Variants in MCTP1 observed in about 807,000 individuals in gnomAD.
MCTP1 encodes the protein multiple C2 and transmembrane domain containing 1, also known as multiple C2 and transmembrane domain-containing protein 1.
A neutral mutation model predicts 120.6 loss-of-function variants in MCTP1; 69 were observed. That is an observed-to-expected ratio of 0.57 (90% confidence interval 0.47 to 0.70). The LOEUF is 0.70. MCTP1 is among the 30% of genes least tolerant of loss of function. The probability of loss-of-function intolerance (pLI) is 0.00; values close to 1 mark genes in which losing one functional copy is unlikely to be tolerated. For missense variants in MCTP1, 1,203 were observed against 1,248.8 expected, an observed-to-expected ratio of 0.96 and a Z score of 0.55; for synonymous variants, 529 against 493.1, an observed-to-expected ratio of 1.07 and a Z score of -0.96.
chr5:95,169,211 T>C (rs1746871116), intron 1 of MCTP1, among the ~76,000 whole-genome samples: 1 of 152,240 alleles, frequency 6.6e-6, no homozygotes, highest in Non-Finnish European at 1.5e-5. Context: ...TTGATTTGCA[T>C]ATGTTGAACC....
At chr5:95,282,184 T>TA (rs1760375989) in intron 1 of MCTP1, among the ~76,000 whole-genome samples, 1 of 152,240 alleles carries the variant, frequency 6.6e-6, no homozygotes, top group African/African-American at 2.4e-5. Context: ...ATATCTTTTG[T>TA]ATACAAAATT....
At chr5:95,210,378 T>C (rs181143460) in intron 1 of MCTP1, among the ~76,000 whole-genome samples, 1,556 of 150,814 alleles carry the variant, frequency 0.01, 13 homozygotes, top group Middle Eastern at 0.031. Context: ...TGCATATATA[T>C]TTAGGATAGT....
chr5:94,970,378 TATTC>T (rs1205313345), intron 2 of MCTP1, among the ~76,000 whole-genome samples: 12 of 152,080 alleles, frequency 7.9e-5, no homozygotes, highest in Non-Finnish European at 1.5e-4. Flanking sequence ...GGGATATACT[TATTC>T]ATATAACTTA....
At chr5:94,737,067 C>T (rs1369361423) in intron 19 of MCTP1, among the ~76,000 whole-genome samples, 1 of 152,188 alleles carries the variant, frequency 6.6e-6, no homozygotes, top group Non-Finnish European at 1.5e-5. Context: ...TGACTCACCA[C>T]AGCCCTGACC....
At chr5:95,074,388 G>T (rs1408666245) in intron 1 of MCTP1, among the ~76,000 whole-genome samples, 1 of 152,188 alleles carries the variant, frequency 6.6e-6, no homozygotes, top group Admixed American at 6.5e-5. Context: ...GAGATGGCTG[G>T]CAACTCCTAG....
At chr5:95,191,696 A>C (rs2152533686) in intron 1 of MCTP1, among the ~76,000 whole-genome samples, 1 of 152,136 alleles carries the variant, frequency 6.6e-6, no homozygotes, top group Non-Finnish European at 1.5e-5. Flanking sequence ...CAAGTGGTCA[A>C]TAGTATGTTA....
chr5:95,201,880 T>C (rs1473303181), intron 1 of MCTP1, among the ~76,000 whole-genome samples: 1 of 152,224 alleles, frequency 6.6e-6, no homozygotes, highest in Non-Finnish European at 1.5e-5. Flanking sequence ...TTCTTATTTA[T>C]TTTTCTTTAA....
In MCTP1 at chr5:95,051,715, A is replaced by G. The variant is rs562226721; in HGVS notation, c.721-34231T>C. On this transcript the variant is annotated intron_variant, in intron 1 of 22. Transcript: ENST00000515393. Reference sequence around the variant, plus strand: ...GTACAAATTGAAAGAATGAGAAATGATGAGATCATGTCCTTTGCAGCAACA... The same window carrying G: ...GTACAAATTGAAAGAATGAGAAATGGTGAGATCATGTCCTTTGCAGCAACA... Among the ~76,000 whole-genome samples the G allele has an allele frequency of 2.0e-5, 3 of 152,346 alleles. No individual in the cohort carries two copies. In the South Asian group the frequency reaches 6.2e-4, roughly 32 times the overall value.
intron 1 of MCTP1, among the ~76,000 whole-genome samples, chr5:95,162,903 G>A (rs1439745869): frequency 2.6e-5 from 4 of 152,060 alleles, no homozygotes; most frequent in Non-Finnish European, 5.9e-5. Flanking sequence ...CAGGAACTAG[G>A]ATTAAATACT....
intron 11 of MCTP1, among the ~76,000 whole-genome samples, chr5:94,893,033 A>G (rs2153398635): frequency 6.6e-6 from 1 of 152,358 alleles, no homozygotes; most frequent in East Asian, 1.9e-4. Flanking sequence ...GCTGAAAAAA[A>G]GTATATTTAA....
At position 95,284,566 on chromosome 5, in the gene MCTP1, G is replaced by C; in HGVS notation, c.10C>G (p.Arg4Gly). The C allele has an allele frequency of 2.1e-6, 3 of 1,437,474 alleles. No homozygotes were observed. Among genetic ancestry groups the C allele is most frequent in the Non-Finnish European group, 1.8e-6 (2 of 1,108,694 alleles). 89.0% of individuals were successfully genotyped at this position (1,437,474 alleles called of 1,614,324 possible). A position where few individuals can be genotyped will look rare whatever the true frequency, so the allele number is the denominator to read the frequency against. ...TCTGGCTCGCCCGCCGCGGCAGCCC[G>C]GGGCTCCATCCTCCACCCCCTGCTC... MEP[R>G]AAAAGEPEPP... Residue 4 changes from arginine to glycine, a missense_variant, in exon 1 of 23, where the codon CGG (arginine) becomes GGG (glycine). Arg to Gly is a moderately radical substitution (Grantham distance 125). Transcript: ENST00000515393. The surrounding 1 kb of genome is among the most constrained non-coding windows in gnomAD (Gnocchi z 5.2).
At chr5:94,791,894 G>T (rs255347) in intron 18 of MCTP1, 126,579 of 152,272 alleles carry the variant, frequency 0.83, 52,834 homozygotes, top group South Asian at 0.88. Context: ...CCTTTCTCAG[G>T]TGGGTCATAG....
intron 17 of MCTP1, among the ~76,000 whole-genome samples, chr5:94,858,001 G>A (rs1795025726): frequency 6.6e-6 from 1 of 151,638 alleles, no homozygotes; most frequent in African/African-American, 2.4e-5. Flanking sequence ...TGGGTCACCA[G>A]TTTTTCTAAG....
rs570982482 is a variant in MCTP1 at position 95,015,837 on chromosome 5, A to G, written c.838+1530T>C. 2.0e-5 allele frequency among the ~76,000 whole-genome samples: 3 copies of G among 152,242 alleles called. No individual in the cohort carries two copies. The South Asian group carries it at 6.2e-4, about 32-fold the overall frequency. On this transcript the variant is annotated intron_variant, in intron 2 of 22. Transcript: ENST00000515393. The stretch of plus-strand genomic sequence containing the variant: ...TTATAATTATAAACAATGCTACAAT[A>G]AATTATTGTATATATATGCATTTCA...
intron 5 of MCTP1, among the ~76,000 whole-genome samples, chr5:94,933,421 A>G (rs1021706448): frequency 3.3e-5 from 5 of 151,756 alleles, no homozygotes; most frequent in East Asian, 1.9e-4. Context: ...CACTTCCTCC[A>G]TCATCACCAA....
intron 17 of MCTP1, among the ~76,000 whole-genome samples, chr5:94,844,757 T>G (rs1791934537): frequency 6.6e-6 from 1 of 152,156 alleles, no homozygotes; most frequent in South Asian, 2.1e-4. Flanking sequence ...AAATAGATCT[T>G]CACTATTTCT....
chr5:94,724,412 ATTTTTTT>A (rs34497014), intron 19 of MCTP1, among the ~76,000 whole-genome samples: 3 of 138,512 alleles, frequency 2.2e-5, no homozygotes, highest in East Asian at 2.1e-4. Context: ...CGTCTGGCTA[ATTTTTTT>A]TTTTTTTTTT....
chr5:94,845,782 G>A (rs983854355), intron 17 of MCTP1, among the ~76,000 whole-genome samples: 4 of 151,992 alleles, frequency 2.6e-5, no homozygotes, highest in African/African-American at 9.7e-5. Flanking sequence ...AAACTCCTGG[G>A]GCCAGGTGAC....
intron 1 of MCTP1, among the ~76,000 whole-genome samples, chr5:95,275,200 A>T (rs1759729375): frequency 6.6e-6 from 1 of 152,232 alleles, no homozygotes. Context: ...CTGATAGCTA[A>T]ATTCATGCCA....
Sources: allele counts gnomAD v4.1 joint callset (sites outside exome capture counted in the v4.1 genomes callset), GRCh38; gene constraint gnomAD v4.1.1; non-coding constraint Gnocchi (gnomAD v3.1); transcripts MANE v1.5; gene names NCBI Gene and HGNC (gene_info 2026-07-23, HGNC 2026-07-21).